The following TTC3 variants were observed in gnomAD, a reference collection of about 807,000 sequenced individuals.
TTC3 encodes the protein tetratricopeptide repeat domain 3.
TTC3 carries 180 observed loss-of-function variants against 249.6 expected under a neutral mutation model. The observed-to-expected ratio is 0.72, with a 90% CI of 0.64 to 0.82. TTC3 has a LOEUF of 0.82. TTC3 is among the 40% of genes least tolerant of loss of function. TTC3 has a pLI of 0.00. For synonymous variants in TTC3, 717 were observed against 805.0 expected (o/e 0.89, Z 1.85); for missense variants, 2,061 against 2,398.4 (o/e 0.86, Z 2.94).
chr21:37,142,878 T>G (rs1433582441), intron 20 of TTC3, among the ~76,000 whole-genome samples: 2 of 152,090 alleles, frequency 1.3e-5, no homozygotes, highest in South Asian at 2.1e-4. Flanking sequence ...AAACAGCATG[T>G]TACTGGTACC....
chr21:37,152,394 T>G (rs943581002), intron 26 of TTC3, among the ~76,000 whole-genome samples: 1 of 150,610 alleles, frequency 6.6e-6, no homozygotes, highest in Non-Finnish European at 1.5e-5. Context: ...TTTTTTTTGT[T>G]TTTTTTTTTT....
At chr21:37,077,300 A>G (rs1331668621) in intron 1 of TTC3, among the ~76,000 whole-genome samples, 1 of 152,182 alleles carries the variant, frequency 6.6e-6, no homozygotes, top group Non-Finnish European at 1.5e-5. Flanking sequence ...CAATTTTAAA[A>G]AGCACTTTTG....
At position 37,102,054 on chromosome 21, in the gene TTC3, T is replaced by G. The variant is rs577889718; in HGVS notation, c.845+5411T>G. On this transcript the variant is annotated intron_variant, in intron 10 of 45. Coordinates refer to ENST00000355666, the Ensembl canonical transcript of TTC3. ...AATGATTATCTTTTTACTTATGTTT[T>G]ACACTCAGGTTCAAATATATCTGTA... is the stretch of plus-strand genomic sequence containing the variant. Among the ~76,000 whole-genome samples the G allele has an allele frequency of 3.3e-3, 503 of 152,016 alleles. 2 individuals are homozygous for G. The highest frequency in any genetic ancestry group is 6.4e-3 in the Non-Finnish European group (433 of 67,932).
exon 16 of TTC3, chr21:37,129,054 A>G (rs374837410): frequency 1.3e-6 from 2 of 1,592,068 alleles, no homozygotes; most frequent in African/African-American, 2.7e-5. Flanking sequence ...AATGAATCAG[A>G]AAAGTTCAGG....
intron 28 of TTC3, 141 bp downstream of exon 28, chr21:37,157,047 T>C: frequency 7.4e-7 from 1 of 1,343,856 alleles, no homozygotes; most frequent in Non-Finnish European, 1.0e-6. Flanking sequence ...GGGAAGTTAG[T>C]GATTAACAGT....
intron 10 of TTC3, among the ~76,000 whole-genome samples, chr21:37,099,663 G>T (rs9977314): frequency 0.44 from 67,248 of 152,012 alleles, 15,394 homozygotes; most frequent in Non-Finnish European, 0.51. Flanking sequence ...CCAAGTGTTT[G>T]AGAGGATGTG....
chr21:37,144,112 A>T (rs2078761874), intron 20 of TTC3, among the ~76,000 whole-genome samples: 1 of 151,796 alleles, frequency 6.6e-6, no homozygotes, highest in South Asian at 2.1e-4. Flanking sequence ...GGGAGGGGAG[A>T]GGGATAGCAT....
intron 18 of TTC3, 51 bp downstream of exon 18, chr21:37,135,565 G>A (rs776465800): frequency 6.3e-7 from 1 of 1,577,058 alleles, no homozygotes; most frequent in South Asian, 1.1e-5. Context: ...CACCTCAGAT[G>A]AATGCAGAAG....
At chr21:37,085,626 A>G (rs2072354875) in intron 1 of TTC3, among the ~76,000 whole-genome samples, 1 of 152,198 alleles carries the variant, frequency 6.6e-6, no homozygotes, top group African/African-American at 2.4e-5. Flanking sequence ...GTTTCGACCC[A>G]GGTAGTGATC....
Position 37,135,583 on chromosome 21 carries a change from A to G in TTC3, c.1578+69A>G. The G allele has an allele frequency of 1.9e-6, 3 of 1,542,696 alleles. No individual in the cohort carries two copies. The South Asian group carries it at 3.6e-5, about 18-fold the overall frequency. On this transcript the variant is annotated intron_variant, in intron 18 of 45. Transcript: ENST00000355666. ...CTCAGATGAATGCAGAAGAGAACCA[A>G]GGGCTTAACTCATTGTAGTAATGTA...
rs1245608250 is a variant in TTC3, at chr21:37,200,341, G to A, written c.5943+17G>A. 1 of 1,612,648 alleles carries A rather than the reference G, an allele frequency of 6.2e-7. No homozygotes were observed. The highest frequency in any genetic ancestry group is 1.1e-5 in the South Asian group (1 of 90,834). ...CACAAAGGGGTAAGAGCTCTTTTTGGCCATCCTTACAGCATGCATTGGGAC... is the reference window on the plus strand; with the variant it reads ...CACAAAGGGGTAAGAGCTCTTTTTGACCATCCTTACAGCATGCATTGGGAC... On this transcript the variant is annotated intron_variant, in intron 45 of 45. Coordinates refer to ENST00000355666, the Ensembl canonical transcript of TTC3.
At chr21:37,117,654 G>A (rs1261881186) in intron 11 of TTC3, among the ~76,000 whole-genome samples, 1 of 151,892 alleles carries the variant, frequency 6.6e-6, no homozygotes, top group Non-Finnish European at 1.5e-5. Context: ...GGGAGGGCAG[G>A]ACGGGCAGAT....
At chr21:37,150,239 G>C (rs1057460121) in intron 24 of TTC3, 69 bp downstream of exon 24, 8 of 1,080,402 alleles carry the variant, frequency 7.4e-6, no homozygotes, top group Non-Finnish European at 1.1e-5. Flanking sequence ...AACATGATTT[G>C]AATTTGTAGA....
rs1569089749 is a variant in TTC3, at chr21:37,157,054, CAGT to C, written c.2992+151_2992+153del. On this transcript the variant is annotated intron_variant, in intron 28 of 45. Coordinates refer to ENST00000355666, the Ensembl canonical transcript of TTC3. ...TTTATGTGGGGAAGTTAGTGATTAA[CAGT>C]AGCAATTTTTTTATATCATGAAGCT... The C allele has an allele frequency of 8.2e-6, 11 of 1,338,428 alleles. No homozygotes were observed. The Admixed American group carries it at 1.9e-4, about 23-fold the overall frequency. 82.9% of individuals were successfully genotyped at this position (1,338,428 alleles called of 1,614,324 possible).
intron 28 of TTC3, chr21:37,158,294 C>G (rs976077010): frequency 1.3e-6 from 1 of 768,834 alleles, no homozygotes; most frequent in East Asian, 1.3e-4. Flanking sequence ...ACAATTCCCT[C>G]TCAGCATACA....
intron 11 of TTC3, among the ~76,000 whole-genome samples, chr21:37,120,812 A>G (rs1450027409): frequency 6.6e-6 from 1 of 152,214 alleles, no homozygotes; most frequent in Non-Finnish European, 1.5e-5. Flanking sequence ...GATCCTTCTT[A>G]AAAGCGTTGT....
intron 7 of TTC3, 73 bp from the exon 8 acceptor site, chr21:37,093,932 A>G: frequency 1.1e-6 from 1 of 934,450 alleles, no homozygotes; most frequent in Non-Finnish European, 1.7e-6. Context: ...CAAGAATTAG[A>G]ATATTATCAA....
chr21:37,087,327 G>C (rs2072629893), exon 2 of TTC3: 1 of 1,613,960 alleles, frequency 6.2e-7, no homozygotes, highest in Non-Finnish European at 8.5e-7. Flanking sequence ...CCCTCACGTG[G>C]ATGATTGTGT....
At chr21:37,144,010 G>T (rs960168434) in intron 20 of TTC3, among the ~76,000 whole-genome samples, 1 of 151,488 alleles carries the variant, frequency 6.6e-6, no homozygotes, top group Non-Finnish European at 1.5e-5. Flanking sequence ...ACCAAACACC[G>T]CATGTTCTCA....
Sources: allele counts gnomAD v4.1 joint callset (sites outside exome capture counted in the v4.1 genomes callset), GRCh38; gene constraint gnomAD v4.1.1; transcripts MANE v1.5; gene names NCBI Gene and HGNC (gene_info 2026-07-23, HGNC 2026-07-21).